The following NRG1 variants were observed in gnomAD, a reference collection of about 807,000 sequenced individuals.
NRG1 encodes the protein neuregulin 1.
Under a neutral mutation model 63.8 loss-of-function variants are expected in NRG1, and 18 were observed. The observed-to-expected ratio is 0.28, with a 90% CI of 0.19 to 0.42. The LOEUF (loss-of-function observed/expected upper bound fraction) is 0.42, where lower values mean the gene tolerates loss of function less well. NRG1 is among the 10% of genes least tolerant of loss of function. The pLI, the probability that NRG1 is intolerant of heterozygous loss-of-function variation, is 1.00. For missense variants in NRG1, 762 were observed against 814.7 expected, an observed-to-expected ratio of 0.94 and a Z score of 0.79; for synonymous variants, 302 against 301.3, an observed-to-expected ratio of 1.00 and a Z score of -0.02.
intron 1 of NRG1, among the ~76,000 whole-genome samples, chr8:31,800,032 A>T (rs966444412): frequency 2.6e-5 from 4 of 152,190 alleles, no homozygotes; most frequent in African/African-American, 9.6e-5. Context: ...TCTTGGAAAC[A>T]TCGTCATCTG....
At chr8:32,422,186 G>A (rs1272977293) in intron 1 of NRG1, among the ~76,000 whole-genome samples, 1 of 151,922 alleles carries the variant, frequency 6.6e-6, no homozygotes, top group Non-Finnish European at 1.5e-5. Context: ...TAGAAAGAGG[G>A]AAAAAAGTAA....
intron 1 of NRG1, among the ~76,000 whole-genome samples, chr8:32,050,267 A>G (rs1821771542): frequency 6.6e-6 from 1 of 152,130 alleles, no homozygotes; most frequent in Admixed American, 6.6e-5. Flanking sequence ...CTTTTCTGCC[A>G]GTAGATAGGT....
chr8:31,894,632 G>T (rs1037966131), intron 1 of NRG1, among the ~76,000 whole-genome samples: 1 of 149,458 alleles, frequency 6.7e-6, no homozygotes, highest in Non-Finnish European at 1.5e-5. Flanking sequence ...CTCACTGCGA[G>T]CTCCGCCTCC....
At chr8:32,767,658 T>A (rs928114520) in exon 12 of NRG1, 1 of 152,200 alleles carries the variant, frequency 6.6e-6, no homozygotes, top group African/African-American at 2.4e-5. Flanking sequence ...GCATCTAACA[T>A]ATAGAGTTGT....
intron 1 of NRG1, among the ~76,000 whole-genome samples, chr8:32,333,875 A>G (rs1392350870): frequency 1.3e-5 from 2 of 152,174 alleles, no homozygotes; most frequent in Non-Finnish European, 2.9e-5. Flanking sequence ...AACACAACAG[A>G]TTCTTTCAGA....
chr8:31,715,743 G>A (rs942649789), intron 1 of NRG1, among the ~76,000 whole-genome samples: 4 of 152,244 alleles, frequency 2.6e-5, no homozygotes, highest in South Asian at 2.1e-4. Context: ...GGGACTTTGA[G>A]GATAGAGCCT....
chr8:32,003,865 A>T (rs1042833806), intron 1 of NRG1, among the ~76,000 whole-genome samples: 1 of 151,896 alleles, frequency 6.6e-6, no homozygotes, highest in African/African-American at 2.4e-5. Flanking sequence ...GTTATGGTGG[A>T]TACATGAAGA....
At chr8:31,945,712 C>CT (rs1802441084) in intron 1 of NRG1, among the ~76,000 whole-genome samples, 1 of 152,136 alleles carries the variant, frequency 6.6e-6, no homozygotes, top group South Asian at 2.1e-4. Flanking sequence ...CTTTTCCAGG[C>CT]TTTTTTCTTC....
At chr8:32,461,680 G>A (rs1041642244) in intron 1 of NRG1, among the ~76,000 whole-genome samples, 3 of 152,074 alleles carry the variant, frequency 2.0e-5, no homozygotes, top group Non-Finnish European at 2.9e-5. Flanking sequence ...CGACAAAAGC[G>A]AGACTCTGTC....
chr8:32,288,436 A>G (rs1327268592), intron 1 of NRG1, among the ~76,000 whole-genome samples: 2 of 152,222 alleles, frequency 1.3e-5, no homozygotes, highest in Admixed American at 6.5e-5. Context: ...TAGAAAAGGA[A>G]GACTTAGGCT....
At chr8:32,063,628 A>G (rs1824247490) in intron 1 of NRG1, among the ~76,000 whole-genome samples, 1 of 152,142 alleles carries the variant, frequency 6.6e-6, no homozygotes. Flanking sequence ...TTCAGCTAAG[A>G]AAACTTGCAG....
intron 1 of NRG1, among the ~76,000 whole-genome samples, chr8:32,355,720 T>G (rs1806297710): frequency 6.6e-6 from 1 of 152,100 alleles, no homozygotes; most frequent in African/African-American, 2.4e-5. Flanking sequence ...AAAAAGAGAT[T>G]TGTTTCCTCA....
At chr8:31,769,665 CAACTTGTGAATTACTAAG>C (rs1192396489) in intron 1 of NRG1, among the ~76,000 whole-genome samples, 1 of 152,006 alleles carries the variant, frequency 6.6e-6, no homozygotes, top group Non-Finnish European at 1.5e-5. Flanking sequence ...AAGAGTCTCC[CAACTTGTGAATTACTAAG>C]GACACCAATG....
At chr8:31,740,016 A>G (rs1348957076) in intron 1 of NRG1, among the ~76,000 whole-genome samples, 1 of 152,064 alleles carries the variant, frequency 6.6e-6, no homozygotes, top group Non-Finnish European at 1.5e-5. Flanking sequence ...TACATCTCAT[A>G]AAAAATTTAG....
intron 1 of NRG1, among the ~76,000 whole-genome samples, chr8:32,005,120 A>C (rs1394425249): frequency 1.3e-5 from 2 of 151,172 alleles, no homozygotes; most frequent in Non-Finnish European, 3.0e-5. Context: ...GGAAGAAAGA[A>C]GGGAGGGAGG....
chr8:32,552,791 A>T (rs4541858), intron 1 of NRG1, among the ~76,000 whole-genome samples: 1 of 151,992 alleles, frequency 6.6e-6, no homozygotes, highest in Non-Finnish European at 1.5e-5. Context: ...TCTCATACCC[A>T]TGAAATGGTC....
chr8:31,764,444 T>C (rs1817855679), intron 1 of NRG1, among the ~76,000 whole-genome samples: 1 of 152,166 alleles, frequency 6.6e-6, no homozygotes, highest in Non-Finnish European at 1.5e-5. Flanking sequence ...ATTCCTATAA[T>C]TATGTGATTT....
intron 5 of NRG1, among the ~76,000 whole-genome samples, chr8:32,638,192 CT>C (rs552043140): frequency 2.6e-5 from 4 of 152,246 alleles, no homozygotes; most frequent in Non-Finnish European, 5.9e-5. Context: ...CTCCCAATAA[CT>C]TTTTTTCTTC....
chr8:32,214,661 AAGAG>A (rs10572464), intron 1 of NRG1, among the ~76,000 whole-genome samples: 6 of 150,936 alleles, frequency 4.0e-5, no homozygotes, highest in Non-Finnish European at 5.9e-5. Context: ...GAGAAAAAGA[AAGAG>A]AGAGAGAGAG....
Sources: allele counts gnomAD v4.1 joint callset (sites outside exome capture counted in the v4.1 genomes callset), GRCh38; gene constraint gnomAD v4.1.1; transcripts MANE v1.5; gene names NCBI Gene and HGNC (gene_info 2026-07-23, HGNC 2026-07-21).